The following CDH18 variants were observed in gnomAD, a reference collection of about 807,000 sequenced individuals.
The protein encoded by CDH18 is cadherin-18.
In CDH18, 31 loss-of-function variants were observed where a neutral mutation model predicts 67.9. The ratio of observed to expected loss-of-function variants is 0.46; its 90% CI spans 0.34 to 0.62. The LOEUF is 0.62. CDH18 is among the 20% of genes least tolerant of loss of function. The pLI, the probability that CDH18 is intolerant of heterozygous loss-of-function variation, is 0.01. For synonymous variants in CDH18, 362 were observed against 347.2 expected, an observed-to-expected ratio of 1.04 and a Z score of -0.48; for missense variants, 890 against 975.5, an observed-to-expected ratio of 0.91 and a Z score of 1.17.
intron 2 of CDH18, among the ~76,000 whole-genome samples, chr5:20,145,495 T>C (rs1387492723): frequency 6.6e-6 from 1 of 152,210 alleles, no homozygotes. Context: ...AAGCATTACA[T>C]GTCAAGAGCA....
intron 1 of CDH18, among the ~76,000 whole-genome samples, chr5:20,493,356 T>TTAA (rs1391590923): frequency 2.1e-5 from 1 of 47,194 alleles, no homozygotes; most frequent in African/African-American, 8.5e-5. Flanking sequence ...TTCAGAAAAT[T>TTAA]AAAAAAAAAA....
chr5:19,661,182 A>T (rs944275501), intron 5 of CDH18, among the ~76,000 whole-genome samples: 21 of 152,112 alleles, frequency 1.4e-4, no homozygotes, highest in Admixed American at 7.9e-4. Flanking sequence ...TTATTTTCTG[A>T]TCCCTTTAAT....
At chr5:19,960,491 C>A (rs989368865) in intron 2 of CDH18, among the ~76,000 whole-genome samples, 2 of 150,490 alleles carry the variant, frequency 1.3e-5, no homozygotes, top group Admixed American at 6.6e-5. Context: ...CCTATGATAA[C>A]AACACTTTCT....
At chr5:19,622,133 T>C (rs1387482216) in intron 5 of CDH18, among the ~76,000 whole-genome samples, 1 of 152,126 alleles carries the variant, frequency 6.6e-6, no homozygotes, top group South Asian at 2.1e-4. Flanking sequence ...ACCTTGGCAA[T>C]GTGATTTCAG....
chr5:19,508,985 T>C (rs1246428480), intron 10 of CDH18, among the ~76,000 whole-genome samples: 3 of 151,866 alleles, frequency 2.0e-5, no homozygotes, highest in African/African-American at 7.3e-5. Context: ...GTGATTCTCG[T>C]GTCTCAGCCA....
At chr5:19,626,718 T>C (rs1020249720) in intron 5 of CDH18, among the ~76,000 whole-genome samples, 2 of 151,958 alleles carry the variant, frequency 1.3e-5, no homozygotes, top group East Asian at 3.9e-4. Context: ...GATAATTAAA[T>C]CATACCTAAT....
intron 8 of CDH18, among the ~76,000 whole-genome samples, chr5:19,550,598 A>AT (rs1451560555): frequency 6.6e-6 from 1 of 152,068 alleles, no homozygotes; most frequent in East Asian, 1.9e-4. Context: ...TGAATTCATC[A>AT]TTTTTTATGG....
At chr5:20,052,902 A>G (rs776728680) in intron 2 of CDH18, among the ~76,000 whole-genome samples, 1 of 152,102 alleles carries the variant, frequency 6.6e-6, no homozygotes, top group South Asian at 2.1e-4. Context: ...ACAATCACAT[A>G]TGATGTTTCC....
intron 11 of CDH18, among the ~76,000 whole-genome samples, chr5:19,491,942 A>C (rs1226990710): frequency 6.6e-6 from 1 of 152,110 alleles, no homozygotes; most frequent in Non-Finnish European, 1.5e-5. Context: ...TCTTAGAAAT[A>C]ATGTGTTATG....
intron 9 of CDH18, among the ~76,000 whole-genome samples, chr5:19,526,246 C>G (rs1747736016): frequency 6.6e-6 from 1 of 152,050 alleles, no homozygotes; most frequent in Admixed American, 6.6e-5. Flanking sequence ...AAAATAGAAA[C>G]AAAGCCAAAA....
chr5:19,789,015 A>G (rs1412091901), intron 3 of CDH18, among the ~76,000 whole-genome samples: 2 of 152,198 alleles, frequency 1.3e-5, no homozygotes, highest in African/African-American at 2.4e-5. Context: ...CCGCCTATAC[A>G]TGAAGCATGC....
chr5:19,943,880 G>A (rs1795061191), intron 2 of CDH18, among the ~76,000 whole-genome samples: 1 of 151,984 alleles, frequency 6.6e-6, no homozygotes, highest in Non-Finnish European at 1.5e-5. Context: ...AATTCTAAAA[G>A]CAATGAAATA....
chr5:19,667,967 A>G (rs1758198655), intron 5 of CDH18, among the ~76,000 whole-genome samples: 1 of 151,996 alleles, frequency 6.6e-6, no homozygotes, highest in African/African-American at 2.4e-5. Context: ...AAGTTTAGAC[A>G]TATTTTCAGA....
chr5:19,872,722 G>A (rs1786463210), intron 2 of CDH18, among the ~76,000 whole-genome samples: 1 of 152,176 alleles, frequency 6.6e-6, no homozygotes, highest in Admixed American at 6.5e-5. Flanking sequence ...GTCAGTTAAG[G>A]CTGACTCTTA....
At chr5:19,669,343 A>G (rs1297650769) in intron 5 of CDH18, among the ~76,000 whole-genome samples, 1 of 150,690 alleles carries the variant, frequency 6.6e-6, no homozygotes. Flanking sequence ...CCCAGGCTGG[A>G]GTGCAGTGGG....
At chr5:20,033,661 ATC>A (rs1739594377) in intron 2 of CDH18, among the ~76,000 whole-genome samples, 1 of 152,058 alleles carries the variant, frequency 6.6e-6, no homozygotes, top group Non-Finnish European at 1.5e-5. Context: ...TTAAAAATAT[ATC>A]TGTTTCCATT....
intron 1 of CDH18, among the ~76,000 whole-genome samples, chr5:20,457,163 T>C (rs1750890860): frequency 6.6e-6 from 1 of 152,158 alleles, no homozygotes; most frequent in Non-Finnish European, 1.5e-5. Flanking sequence ...GATCAAAATG[T>C]CAAACTATTG....
intron 2 of CDH18, among the ~76,000 whole-genome samples, chr5:19,868,651 C>A (rs1056652422): frequency 3.3e-5 from 5 of 152,120 alleles, no homozygotes; most frequent in Non-Finnish European, 7.3e-5. Flanking sequence ...AGAGACTGAA[C>A]CATAAAAACC....
At chr5:19,744,826 C>G (rs750413521) in intron 4 of CDH18, among the ~76,000 whole-genome samples, 4 of 152,054 alleles carry the variant, frequency 2.6e-5, no homozygotes, top group African/African-American at 4.8e-5. Flanking sequence ...TTTATTCACA[C>G]CTAATTTTTA....
Sources: allele counts gnomAD v4.1 joint callset (sites outside exome capture counted in the v4.1 genomes callset), GRCh38; gene constraint gnomAD v4.1.1; transcripts MANE v1.5; gene names NCBI Gene and HGNC (gene_info 2026-07-23, HGNC 2026-07-21).